Variants in URB1 observed in about 807,000 individuals in gnomAD.
The protein encoded by URB1 is nucleolar pre-ribosomal-associated protein 1.
Under a neutral mutation model 242.3 loss-of-function variants are expected in URB1, and 197 were observed. That is an observed-to-expected ratio of 0.81 (90% CI 0.72 to 0.91). URB1 has a LOEUF of 0.91. Ranked by LOEUF, URB1 falls within the 40% of genes least tolerant of loss-of-function variation. The pLI is 0.00. For synonymous variants in URB1, 1,153 were observed against 1,201.8 expected (o/e 0.96, Z 0.84); for missense variants, 2,721 against 2,860.5 (o/e 0.95, Z 1.11).
chr21:32,333,439 C>T lies in URB1; in HGVS notation c.4858-20G>A. On this transcript the variant is annotated intron_variant, in intron 29 of 38. Coordinates refer to ENST00000382751, the MANE Select transcript of URB1 (RefSeq NM_014825.3). ...TGTGTCCTGAAAGAGCCAAAATCAA[C>T]AAAAACGTGTGATTCAACCTCACAA... 2 of 1,536,004 alleles carry T rather than the reference C, an allele frequency of 1.3e-6. No homozygotes were observed. Among genetic ancestry groups the T allele is most frequent in the Non-Finnish European group, 8.8e-7 (1 of 1,134,790 alleles).
chr21:32,356,783 A>G (rs2033226114), intron 15 of URB1, among the ~76,000 whole-genome samples: 1 of 152,248 alleles, frequency 6.6e-6, no homozygotes, highest in South Asian at 2.1e-4. Flanking sequence ...AGCATGCACC[A>G]AAGGAAAGCC....
At chr21:32,343,440 T>G (rs142875603) in intron 24 of URB1, among the ~76,000 whole-genome samples, 1 of 152,186 alleles carries the variant, frequency 6.6e-6, no homozygotes, top group Non-Finnish European at 1.5e-5. Flanking sequence ...ATGATTATAC[T>G]GCACGGTTCC....
Position 32,317,046 on chromosome 21 carries a change from G to T in URB1, c.6054C>A (p.Asn2018Lys), listed in dbSNP as rs1416700919. The change falls in exon 38 of 39, where the codon AAC becomes AAA. Residue 2018 changes from asparagine to lysine, a missense_variant. Physicochemically the swap from Asn to Lys is moderately conservative, Grantham distance 94. Coordinates refer to ENST00000382751, the MANE Select transcript of URB1 (RefSeq NM_014825.3). Reference sequence around the variant, plus strand: ...TGGCTCGGGCTGGCATGACAGGCTTGTTCTTATCCTTGAGCATTTCTGTTA... The same window carrying T: ...TGGCTCGGGCTGGCATGACAGGCTTTTTCTTATCCTTGAGCATTTCTGTTA... ...RELMKMLKDK[N>K]KPVMPARAKG... 1 of 1,541,060 alleles carries T rather than the reference G, an allele frequency of 6.5e-7. No homozygotes were observed. The highest frequency in any genetic ancestry group is 2.1e-5 in the Admixed American group (1 of 48,316).
chr21:32,359,923 G>A lies in URB1; in HGVS notation c.1757-15C>T. The stretch of plus-strand genomic sequence containing the variant: ...AGAGATGACACCTATGGGTGAAAAA[G>A]AGGCAGGCTGAAAAAAGTCACATGG... On this transcript the variant is annotated splice_polypyrimidine_tract_variant and intron_variant, in intron 13 of 38. Transcript: ENST00000382751. 1 of 1,547,096 alleles carries A rather than the reference G, an allele frequency of 6.5e-7. No individual in the cohort carries two copies. The highest frequency in any genetic ancestry group is 8.7e-7 in the Non-Finnish European group (1 of 1,145,306).
chr21:32,315,787 T>C (rs2032673051), intron 38 of URB1, among the ~76,000 whole-genome samples: 1 of 152,174 alleles, frequency 6.6e-6, no homozygotes. Context: ...AAAGGCTCAA[T>C]TCCCCAACTG....
intron 28 of URB1, among the ~76,000 whole-genome samples, chr21:32,336,623 A>G (rs995067221): frequency 4.6e-5 from 7 of 152,196 alleles, no homozygotes; most frequent in African/African-American, 1.7e-4. Flanking sequence ...GGAAAGACAG[A>G]CATGTACACC....
chr21:32,346,067 G>C (rs1244918022), intron 22 of URB1, among the ~76,000 whole-genome samples: 1 of 152,182 alleles, frequency 6.6e-6, no homozygotes, highest in African/African-American at 2.4e-5. Flanking sequence ...CCTTGTGGTA[G>C]AGTGAATGAG....
rs998893011 is a variant in URB1, at chr21:32,354,067, C to A, written c.2282G>T (p.Ser761Ile). 1.3e-6 allele frequency: 2 copies of A among 1,551,650 alleles called. No individual in the cohort carries two copies. Among genetic ancestry groups the A allele is most frequent in the African/African-American group, 2.7e-5 (2 of 73,056 alleles). The stretch of plus-strand genomic sequence containing the variant: ...CCCTATTTCCTCATCCAAGCCTTCA[C>A]TGCCCTCCACCAGGACATCCACCAT... The part of the protein sequence containing the change: ...LDMVDVLVEG[S>I]EGLDEEIGFT... Residue 761 changes from serine (S) to isoleucine (I), a missense_variant, in exon 18 of 39, where the codon AGT becomes ATT. Coordinates refer to ENST00000382751, the MANE Select transcript of URB1 (RefSeq NM_014825.3).
At chr21:32,318,227 C>T (rs998273512) in intron 36 of URB1, among the ~76,000 whole-genome samples, 5 of 152,114 alleles carry the variant, frequency 3.3e-5, no homozygotes, top group Admixed American at 6.5e-5. Flanking sequence ...CAAGAGCCTG[C>T]GAGGGCTCCA....
Position 32,392,798 on chromosome 21 carries a change from T to G in URB1, c.113A>C (p.Gln38Pro). Residue 38 changes from glutamine to proline, a missense_variant, in exon 1 of 39, where the codon CAG becomes CCG. By Grantham distance (76) the Gln-to-Pro change is moderately conservative. Transcript: ENST00000382751. ...CCCGGGGCCCTGCGGGTCCTTCAGC[T>G]GAGCCTTGAACCGCACGCCCGTGAG... ...EELTGVRFKA[Q>P]LKDPQGPGPG... is the part of the protein sequence containing the mutation. 6 of 1,509,380 alleles carry G rather than the reference T, an allele frequency of 4.0e-6. No homozygotes were observed. Among genetic ancestry groups the G allele is most frequent in the Non-Finnish European group, 5.3e-6 (6 of 1,131,402 alleles). The allele number at this position is 1,509,380 out of a possible 1,614,324, so 93.5% of individuals were successfully genotyped here.
chr21:32,339,961 A>C (rs9636862), intron 25 of URB1, among the ~76,000 whole-genome samples: 83,539 of 151,668 alleles, frequency 0.55, 28,020 homozygotes, highest in Non-Finnish European at 0.75. Flanking sequence ...AACTTCCATC[A>C]AATGGTTCAG....
In URB1 at chr21:32,368,705, A is replaced by G; in HGVS notation, c.1002-107T>C. 4.2e-6 allele frequency: 4 copies of G among 943,044 alleles called. No individual in the cohort carries two copies. In the Admixed American group the frequency reaches 1.2e-4, roughly 29 times the overall value. The allele number at this position is 943,044 out of a possible 1,614,324, so 58.4% of individuals were successfully genotyped here. A position where few individuals can be genotyped will look rare whatever the true frequency, so the allele number is the denominator to read the frequency against. On this transcript the variant is annotated intron_variant, in intron 8 of 38. Transcript: ENST00000382751. ...CAGAATTGCCCTCAGTGAACACAGC[A>G]ATAACAACGTAGGGAATTTCCCCCA...
intron 3 of URB1, 27 bp downstream of exon 3, chr21:32,384,286 T>TTTG (rs2033557788): frequency 1.3e-6 from 2 of 1,542,516 alleles, no homozygotes; most frequent in Middle Eastern, 1.7e-4. Context: ...AGGCCCATCC[T>TTTG]TTGTCACACC....
Position 32,325,334 on chromosome 21 carries a change from G to C in URB1, c.5016C>G (p.Val1672=). Residue 1672 remains valine (V), a synonymous_variant, in exon 31 of 39, where the codon GTC becomes GTG. Transcript: ENST00000382751. The part of the protein sequence containing the change: ...FLDSNALGLT[V]TALSSYDPQM... Reference sequence around the variant, plus strand: ...GGGGGTCATAGCTGCTGAGGGCTGTGACAGTTAGGCCCAGAGCATTTGAAT... The same window carrying C: ...GGGGGTCATAGCTGCTGAGGGCTGTCACAGTTAGGCCCAGAGCATTTGAAT... 5.2e-6 allele frequency: 8 copies of C among 1,551,730 alleles called. No homozygotes were observed. The highest frequency in any genetic ancestry group is 7.0e-6 in the Non-Finnish European group (8 of 1,147,000).
chr21:32,345,429 T>C lies in URB1; in HGVS notation c.4015A>G (p.Ser1339Gly). ...CTGGGCAGGCGGTCCATGAGTACAC[T>C]GAGATCCTTGGCTCGTGCAAACGGG... ...LVPFARAKDLSVLMDRLPSLL... is the reference protein window; with the variant it reads ...LVPFARAKDLGVLMDRLPSLL... Residue 1339 changes from serine to glycine, a missense_variant, in exon 23 of 39, where the codon AGT becomes GGT. Ser to Gly is a moderately conservative substitution (Grantham distance 56). Coordinates refer to ENST00000382751, the MANE Select transcript of URB1 (RefSeq NM_014825.3). 1 of 1,551,472 alleles carries C rather than the reference T, an allele frequency of 6.4e-7. No individual in the cohort carries two copies. The highest frequency in any genetic ancestry group is 8.7e-7 in the Non-Finnish European group (1 of 1,146,968).
chr21:32,333,859 C>A (rs1176227532), intron 29 of URB1, among the ~76,000 whole-genome samples: 1 of 152,164 alleles, frequency 6.6e-6, no homozygotes, highest in Non-Finnish European at 1.5e-5. Flanking sequence ...GGGCATAAAG[C>A]AAAGTGCTTG....
intron 2 of URB1, 97 bp downstream of exon 2, chr21:32,385,448 G>A: frequency 6.9e-7 from 1 of 1,446,512 alleles, no homozygotes; most frequent in Non-Finnish European, 9.2e-7. Flanking sequence ...TCTATAGAAA[G>A]TTGGTAATGG....
At chr21:32,319,041 A>G (rs918705678) in intron 36 of URB1, among the ~76,000 whole-genome samples, 176 bp downstream of exon 36, 10 of 152,316 alleles carry the variant, frequency 6.6e-5, no homozygotes, top group Middle Eastern at 3.4e-3. Context: ...AGCTAATAAA[A>G]TAGATGTTCT....
intron 4 of URB1, among the ~76,000 whole-genome samples, chr21:32,380,231 G>T (rs2033508370): frequency 6.6e-6 from 1 of 152,104 alleles, no homozygotes; most frequent in Non-Finnish European, 1.5e-5. Flanking sequence ...TGTTTCTTCT[G>T]GAGAAAAGGA....
Sources: gnomAD v4.1 joint callset for allele counts (sites outside exome capture counted in the v4.1 genomes callset) on GRCh38, gnomAD v4.1.1 for gene constraint, MANE v1.5 for transcripts, NCBI Gene and HGNC (gene_info 2026-07-23, HGNC 2026-07-21) for gene names.